Variants in OCA2 observed in about 807,000 individuals in gnomAD.
OCA2 encodes P protein.
In OCA2, 77 loss-of-function variants were observed where a neutral mutation model predicts 100.2. The ratio of observed to expected loss-of-function variants is 0.77; its 90% CI spans 0.64 to 0.93. OCA2 has a LOEUF of 0.93. Ranked by LOEUF, OCA2 falls within the 40% of genes least tolerant of loss-of-function variation. The pLI, the probability that OCA2 is intolerant of heterozygous loss-of-function variation, is 0.00. For missense variants in OCA2, 1,062 were observed against 1,089.1 expected (o/e 0.98, Z 0.35); for synonymous variants, 432 against 439.2 (o/e 0.98, Z 0.21).
At chr15:27,954,907 C>T (rs2040168664) in intron 17 of OCA2, among the ~76,000 whole-genome samples, 1 of 152,174 alleles carries the variant, frequency 6.6e-6, no homozygotes, top group Non-Finnish European at 1.5e-5. Context: ...AGAGGGCGGG[C>T]CCTGCAACGT....
In OCA2 at chr15:28,082,402, T is replaced by C. The variant is rs528634495; in HGVS notation, c.-21-507A>G. Among the ~76,000 whole-genome samples the C allele has an allele frequency of 2.0e-5, 3 of 152,230 alleles. 1 individual carries two copies. Among genetic ancestry groups the C allele is most frequent in the South Asian group, 4.1e-4 (2 of 4,832 alleles). On this transcript the variant is annotated intron_variant, in intron 1 of 23. Coordinates refer to ENST00000354638, the MANE Select transcript of OCA2 (RefSeq NM_000275.3). ...GGGTTTGTGCCACCTTTAAGAGCTG[T>C]AACACTCACCGGGAAGGTCTGCAGC... is the stretch of plus-strand genomic sequence containing the variant.
At chr15:28,023,994 C>T (rs767392554) in intron 5 of OCA2, among the ~76,000 whole-genome samples, 1 of 152,156 alleles carries the variant, frequency 6.6e-6, no homozygotes, top group Non-Finnish European at 1.5e-5. Flanking sequence ...AGACAGGAGA[C>T]CACACACCCA....
rs142275099 is a variant in OCA2 at position 27,822,442 on chromosome 15, G to A, written c.2432+22517C>T. Among the ~76,000 whole-genome samples, 923 of 152,222 alleles carry A rather than the reference G, an allele frequency of 6.1e-3. 15 individuals carry two copies. Among genetic ancestry groups the A allele is most frequent in the African/African-American group, 0.02 (837 of 41,538 alleles). ...CAGAGTGGCATTTCTGTTGGGGCTC[G>A]CCTAAGAGTGAGACTGAGGGTTCAT... is the stretch of plus-strand genomic sequence containing the variant. On this transcript the variant is annotated intron_variant, in intron 23 of 23. Transcript: ENST00000354638.
intron 23 of OCA2, among the ~76,000 whole-genome samples, chr15:27,823,163 T>A (rs1482304435): frequency 2.6e-5 from 4 of 152,234 alleles, no homozygotes; most frequent in Admixed American, 2.6e-4. Flanking sequence ...GAGAGCCTTA[T>A]ACGTTTGAGC....
downstream of OCA2, among the ~76,000 whole-genome samples, chr15:27,751,598 G>A (rs559155652): frequency 6.6e-5 from 10 of 152,330 alleles, no homozygotes; most frequent in African/African-American, 2.4e-4. Context: ...AGGTTTGAGG[G>A]GGACCAGAGC....
intron 9 of OCA2, among the ~76,000 whole-genome samples, chr15:27,996,532 A>C (rs2041732824): frequency 6.6e-6 from 1 of 152,062 alleles, no homozygotes; most frequent in Non-Finnish European, 1.5e-5. Context: ...AGAGATCAGC[A>C]AAACTAAGAG....
intron 2 of OCA2, among the ~76,000 whole-genome samples, chr15:28,056,227 G>A (rs897396866): frequency 3.3e-5 from 5 of 152,278 alleles, no homozygotes; most frequent in South Asian, 2.1e-4. Context: ...TAGAAACAGC[G>A]TTTTCATATG....
chr15:27,864,964 G>A (rs2151468616), intron 21 of OCA2, among the ~76,000 whole-genome samples: 1 of 151,828 alleles, frequency 6.6e-6, no homozygotes, highest in Non-Finnish European at 1.5e-5. Context: ...AGAGGCGGCG[G>A]GTGTGAAAGG....
At chr15:27,991,668 C>T (rs2041560198) in intron 9 of OCA2, among the ~76,000 whole-genome samples, 1 of 152,050 alleles carries the variant, frequency 6.6e-6, no homozygotes, top group African/African-American at 2.4e-5. Flanking sequence ...GTAAAAATAA[C>T]TTAATTGTAC....
intron 9 of OCA2, among the ~76,000 whole-genome samples, chr15:28,007,133 C>G (rs1375505788): frequency 6.6e-6 from 1 of 152,164 alleles, no homozygotes; most frequent in Non-Finnish European, 1.5e-5. Flanking sequence ...AGAAAGGGCT[C>G]GCTTGTTTCC....
In OCA2 at chr15:28,027,688, G is replaced by A. The variant is rs150922859; in HGVS notation, c.515+183C>T. On this transcript the variant is annotated intron_variant, in intron 4 of 23. Transcript: ENST00000354638. ...CTCCGGCGCTGCATGATTTGCAGGAGGTCTTAAATGTCTCCCTAGGCCCAG... is the reference window on the plus strand; with the variant it reads ...CTCCGGCGCTGCATGATTTGCAGGAAGTCTTAAATGTCTCCCTAGGCCCAG... Among the ~76,000 whole-genome samples, 6 of 152,332 alleles carry A rather than the reference G, an allele frequency of 3.9e-5. No homozygotes were observed. In the East Asian group the frequency reaches 1.2e-3, roughly 29 times the overall value.
chr15:27,787,684 G>C (rs146141823), intron 23 of OCA2, among the ~76,000 whole-genome samples: 1 of 151,712 alleles, frequency 6.6e-6, no homozygotes, highest in South Asian at 2.1e-4. Context: ...GATTTTTAAA[G>C]AATCAATTTG....
intron 19 of OCA2, among the ~76,000 whole-genome samples, chr15:27,888,671 A>G (rs2037328392): frequency 6.6e-6 from 1 of 152,176 alleles, no homozygotes; most frequent in Non-Finnish European, 1.5e-5. Flanking sequence ...TTTTAATTTT[A>G]TATCATCAAT....
At chr15:27,909,891 C>T (rs2038320346) in intron 19 of OCA2, among the ~76,000 whole-genome samples, 2 of 152,064 alleles carry the variant, frequency 1.3e-5, no homozygotes, top group Admixed American at 6.6e-5. Context: ...CTTAAAATTA[C>T]ATGACCAAAA....
chr15:27,962,847 A>G (rs141970988), intron 15 of OCA2, among the ~76,000 whole-genome samples: 1,647 of 152,332 alleles, frequency 0.011, 24 homozygotes, highest in Admixed American at 0.04. Context: ...TAAGAGACAG[A>G]CTATCAGAGT....
chr15:27,868,704 G>C (rs920425752), intron 21 of OCA2, among the ~76,000 whole-genome samples: 5 of 152,136 alleles, frequency 3.3e-5, no homozygotes, highest in African/African-American at 1.2e-4. Flanking sequence ...GGTCAGATGG[G>C]TGTTAAGTGT....
intron 19 of OCA2, among the ~76,000 whole-genome samples, chr15:27,904,175 G>T (rs2038076750): frequency 6.6e-6 from 1 of 152,142 alleles, no homozygotes; most frequent in South Asian, 2.1e-4. Flanking sequence ...AGCAACAAGG[G>T]AAGCCAGCCC....
intron 19 of OCA2, among the ~76,000 whole-genome samples, chr15:27,877,489 TTGAG>T (rs535290544): frequency 1.3e-5 from 2 of 152,010 alleles, no homozygotes; most frequent in Admixed American, 6.5e-5. Flanking sequence ...CAATTGCATC[TTGAG>T]TATTTACCAG....
chr15:27,863,998 G>C (rs2036229767), intron 21 of OCA2, among the ~76,000 whole-genome samples: 1 of 152,068 alleles, frequency 6.6e-6, no homozygotes, highest in African/African-American at 2.4e-5. Context: ...CCATGGAGCT[G>C]GGGTCTGGCG....
Sources: gnomAD v4.1 joint callset for allele counts (sites outside exome capture counted in the v4.1 genomes callset) on GRCh38, gnomAD v4.1.1 for gene constraint, MANE v1.5 for transcripts, NCBI Gene and HGNC (gene_info 2026-07-23, HGNC 2026-07-21) for gene names.